The following GPR137 variants were observed in gnomAD, a reference collection of about 807,000 sequenced individuals.
The protein encoded by GPR137 is G protein-coupled receptor 137.
A neutral mutation model predicts 38.9 loss-of-function variants in GPR137; 20 were observed. The ratio of observed to expected loss-of-function variants is 0.51; its 90% CI spans 0.36 to 0.75. GPR137 has a LOEUF of 0.75. Ranked by LOEUF, GPR137 falls within the 30% of genes least tolerant of loss-of-function variation. GPR137 has a pLI of 0.00. For missense variants in GPR137, 456 were observed against 526.4 expected (o/e 0.87, Z 1.31); for synonymous variants, 226 against 235.8 (o/e 0.96, Z 0.38).
chr11:64,271,664 G>T (rs2286616), upstream of GPR137: 269 of 1,508,564 alleles, frequency 1.8e-4, 2 homozygotes, highest in East Asian at 6.9e-3. Context: ...CGCGGCCATA[G>T]CGCTGTGCTG....
At chr11:64,284,923 G>T, upstream of GPR137, 3 of 1,413,580 alleles carry the variant, frequency 2.1e-6, no homozygotes, top group Non-Finnish European at 2.8e-6. Context: ...GGATTCTCTG[G>T]GGTCCCCATT....
upstream of GPR137, among the ~76,000 whole-genome samples, chr11:64,279,932 C>G (rs888977041): frequency 6.6e-6 from 1 of 152,014 alleles, no homozygotes; most frequent in African/African-American, 2.4e-5. Flanking sequence ...GCCTGTAATC[C>G]CAGCACTTTG....
At chr11:64,277,927 C>G (rs2135121683) in intron 2 of GPR137, among the ~76,000 whole-genome samples, 1 of 152,206 alleles carries the variant, frequency 6.6e-6, no homozygotes, top group South Asian at 2.1e-4. Flanking sequence ...TCTTTAGGGA[C>G]CTTGAAATTT....
upstream of GPR137, among the ~76,000 whole-genome samples, chr11:64,280,046 G>A (rs760822480): frequency 5.2e-4 from 78 of 151,442 alleles, no homozygotes; most frequent in Admixed American, 9.2e-4. Flanking sequence ...GGCCAGGCGC[G>A]GTGGCTCACG....
At chr11:64,276,929 T>C (rs946126704) in intron 2 of GPR137, 5 of 761,730 alleles carry the variant, frequency 6.6e-6, no homozygotes, top group Non-Finnish European at 1.2e-5. Context: ...CTCTGCGTGT[T>C]GGGCTTCTGA....
upstream of GPR137, chr11:64,271,823 A>G: frequency 7.3e-7 from 1 of 1,373,384 alleles, no homozygotes; most frequent in Non-Finnish European, 9.4e-7. Context: ...GTCAGTGGGT[A>G]GGGGGGCGAC....
Position 64,288,823 on chromosome 11 carries a change from C to CCCTG in GPR137, c.1031+105_1031+108dup. 6.9e-7 allele frequency: 1 copy of CCCTG among 1,450,174 alleles called. No homozygotes were observed. Among genetic ancestry groups the CCCTG allele is most frequent in the Non-Finnish European group, 9.0e-7 (1 of 1,106,440 alleles). 89.8% of individuals were successfully genotyped at this position (1,450,174 alleles called of 1,614,324 possible). A position where few individuals can be genotyped will look rare whatever the true frequency, so the allele number is the denominator to read the frequency against. ...GAGATAGCCGGGTCTTGCCTTCCAC[C>CCCTG]CCTGCCATGGCCTTTGCTTCCCCAT... On this transcript the variant is annotated intron_variant, in intron 6 of 6. Transcript: ENST00000438980. The surrounding 1 kb of genome is among the most constrained non-coding windows in gnomAD (Gnocchi z 5.5).
At chr11:64,271,668 T>C, upstream of GPR137, 1 of 1,506,466 alleles carries the variant, frequency 6.6e-7, no homozygotes, top group East Asian at 2.7e-5. Context: ...GCCATAGCGC[T>C]GTGCTGCCCA....
Position 64,287,033 on chromosome 11 carries a change from G to A in GPR137, c.407+19G>A. The A allele has an allele frequency of 2.2e-5, 35 of 1,611,272 alleles. No individual in the cohort carries two copies. The highest frequency in any genetic ancestry group is 2.9e-5 in the Non-Finnish European group (34 of 1,178,946). Reference sequence around the variant, plus strand: ...GAGGCTTGTAAGTACTCGGGACACTGGTGGGCTCAGCCTCCAGGTCAGGGG... The same window carrying A: ...GAGGCTTGTAAGTACTCGGGACACTAGTGGGCTCAGCCTCCAGGTCAGGGG... On this transcript the variant is annotated intron_variant, in intron 2 of 6. Coordinates refer to ENST00000438980, the MANE Select transcript of GPR137 (RefSeq NM_001170880.2).
Position 64,289,320 on chromosome 11 carries a change from G to A in GPR137, c.*124G>A, listed in dbSNP as rs573832958. ...GTCGTGGCTACCCCCTCCTCTGGCC[G>A]GCTCCTTGCTGCTCCTGTCATAGTG... On this transcript the variant is annotated 3_prime_UTR_variant, in exon 7 of 7. Coordinates refer to ENST00000438980, the MANE Select transcript of GPR137 (RefSeq NM_001170880.2). 35 of 1,609,898 alleles carry A rather than the reference G, an allele frequency of 2.2e-5. No individual in the cohort carries two copies. Among genetic ancestry groups the A allele is most frequent in the South Asian group, 1.1e-4 (10 of 90,546 alleles).
At position 64,288,306 on chromosome 11, in the gene GPR137, C is replaced by T. The variant is rs2034370417; in HGVS notation, c.784-34C>T. 3 of 1,613,188 alleles carry T rather than the reference C, an allele frequency of 1.9e-6. No individual in the cohort carries two copies. Among genetic ancestry groups the T allele is most frequent in the Non-Finnish European group, 2.5e-6 (3 of 1,179,872 alleles). On this transcript the variant is annotated intron_variant, in intron 4 of 6. Coordinates refer to ENST00000438980, the MANE Select transcript of GPR137 (RefSeq NM_001170880.2). The surrounding 1 kb of genome is among the most constrained non-coding windows in gnomAD (Gnocchi z 5.5). Reference sequence around the variant, plus strand: ...CTGTCCCACTACCCCTTTGGCGTGACTGCAGACTGGCACCAGCCCCTGCCT... The same window carrying T: ...CTGTCCCACTACCCCTTTGGCGTGATTGCAGACTGGCACCAGCCCCTGCCT...
chr11:64,273,815 G>T (rs1428423785), upstream of GPR137, among the ~76,000 whole-genome samples: 2 of 140,562 alleles, frequency 1.4e-5, no homozygotes, highest in African/African-American at 5.3e-5. Flanking sequence ...CTGGGCAGCA[G>T]AGGTTACAGT....
Position 64,285,875 on chromosome 11 carries a change from C to T in GPR137, c.-650C>T, listed in dbSNP as rs903255028. 8 of 978,366 alleles carry T rather than the reference C, an allele frequency of 8.2e-6. No homozygotes were observed. The highest frequency in any genetic ancestry group is 2.3e-4 in the East Asian group (2 of 8,766). 60.6% of individuals were successfully genotyped at this position (978,366 alleles called of 1,614,324 possible). On this transcript the variant is annotated 5_prime_UTR_variant, in exon 1 of 7. Transcript: ENST00000438980. The stretch of plus-strand genomic sequence containing the variant: ...AGCAGCGGGAGCCGGGGAGCCGGAG[C>T]CCCGGGTCCCCACGACCTGAGCCGG...
At chr11:64,287,621 C>T (rs574497050) in intron 2 of GPR137, 100 bp from the exon 3 acceptor site, 6 of 1,565,928 alleles carry the variant, frequency 3.8e-6, no homozygotes, top group East Asian at 2.3e-5. Context: ...AGACTGGATG[C>T]CCTGAGTTTT....
upstream of GPR137, chr11:64,284,151 T>C (rs376887057): frequency 7.8e-6 from 12 of 1,540,324 alleles, no homozygotes; most frequent in African/African-American, 1.5e-4. Flanking sequence ...GGGTGAGGTG[T>C]CCCGGCAGGT....
chr11:64,270,730 G>A, upstream of GPR137: 1 of 483,544 alleles, frequency 2.1e-6, no homozygotes, highest in Non-Finnish European at 4.1e-6. Flanking sequence ...AGGAGTTCCA[G>A]GCTGCAGTGA....
upstream of GPR137, chr11:64,285,519 G>C (rs532101798): frequency 2.0e-6 from 2 of 985,064 alleles, no homozygotes; most frequent in African/African-American, 1.7e-5. Context: ...ACCGAGGGAC[G>C]GGAATCCGTT....
chr11:64,272,368 C>T (rs938758816), upstream of GPR137, among the ~76,000 whole-genome samples: 2 of 151,664 alleles, frequency 1.3e-5, no homozygotes, highest in Admixed American at 1.3e-4. Context: ...CTTCATGGGG[C>T]CTCCTGGCAA....
chr11:64,283,513 G>A (rs1340271932), upstream of GPR137, among the ~76,000 whole-genome samples: 1 of 152,212 alleles, frequency 6.6e-6, no homozygotes, highest in Non-Finnish European at 1.5e-5. Flanking sequence ...TGCTGTCTGG[G>A]AGGACTGTCT....
Sources: allele counts gnomAD v4.1 joint callset (sites outside exome capture counted in the v4.1 genomes callset), GRCh38; gene constraint gnomAD v4.1.1; non-coding constraint Gnocchi (gnomAD v3.1); transcripts MANE v1.5; gene names NCBI Gene and HGNC (gene_info 2026-07-23, HGNC 2026-07-21).